Variants in PYM1 observed in about 807,000 individuals in gnomAD.
PYM1 encodes PYM1 exon junction complex associated factor, also known as partner of Y14 and mago.
PYM1 carries 7 observed loss-of-function variants against 20.7 expected under a neutral mutation model. The observed-to-expected ratio is 0.34, with a 90% CI of 0.19 to 0.64. The LOEUF (loss-of-function observed/expected upper bound fraction) is 0.64. Ranked by LOEUF, PYM1 falls within the 30% of genes least tolerant of loss-of-function variation. The pLI, the probability that PYM1 is intolerant of heterozygous loss-of-function variation, is 0.74. For missense variants in PYM1, 194 were observed against 250.0 expected (o/e 0.78, Z 1.51); for synonymous variants, 100 against 99.2 (o/e 1.01, Z -0.05).
intron 1 of PYM1, among the ~76,000 whole-genome samples, chr12:55,921,404 G>A (rs1255062856): frequency 2.0e-5 from 3 of 151,982 alleles, no homozygotes; most frequent in African/African-American, 7.3e-5. Flanking sequence ...TACTGTAGAT[G>A]GGATAAGGGT....
In PYM1 at chr12:55,901,496, A is replaced by C. The variant is rs1020290587; in HGVS notation, c.*376T>G. On this transcript the variant is annotated 3_prime_UTR_variant, in exon 3 of 3. Transcript: ENST00000408946. ...AGGGATGGAGAGGGAAATAACCCAT[A>C]AACACCGCGAACAGGAACCAAGACT... The C allele has an allele frequency of 5.5e-6, 1 of 181,966 alleles. No homozygotes were observed. Among genetic ancestry groups the C allele is most frequent in the Non-Finnish European group, 1.2e-5 (1 of 86,332 alleles). The allele number at this position is 181,966 out of a possible 1,614,324, so 11.3% of individuals were successfully genotyped here.
In PYM1 at chr12:55,901,814, C is replaced by A; in HGVS notation, c.*58G>T. On this transcript the variant is annotated 3_prime_UTR_variant, in exon 3 of 3. Transcript: ENST00000408946. ...CTGACTGCTGTTGCCCGTATTCCCC[C>A]AGACCCCAGAGAGCCCCACGGTTTG... 1.3e-6 allele frequency: 2 copies of A among 1,536,632 alleles called. No homozygotes were observed. The highest frequency in any genetic ancestry group is 1.7e-6 in the Non-Finnish European group (2 of 1,146,038).
At chr12:55,927,493 T>C in intron 1 of PYM1, 1 of 691,176 alleles carries the variant, frequency 1.4e-6, no homozygotes, top group Non-Finnish European at 2.5e-6. Flanking sequence ...AGGAAGAATA[T>C]CCAGGCTCTG....
chr12:55,905,587 A>T (rs1882781449), intron 1 of PYM1, among the ~76,000 whole-genome samples: 1 of 149,736 alleles, frequency 6.7e-6, no homozygotes, highest in South Asian at 2.1e-4. Context: ...CTGTAATCCT[A>T]GCTACCCGGG....
chr12:55,927,068 G>T, intron 1 of PYM1: 1 of 1,498,300 alleles, frequency 6.7e-7, no homozygotes, highest in Non-Finnish European at 8.9e-7. Flanking sequence ...CGCGCCTCCC[G>T]CACTCACCGC....
chr12:55,908,944 A>G (rs532452972), intron 1 of PYM1, among the ~76,000 whole-genome samples: 1 of 152,286 alleles, frequency 6.6e-6, no homozygotes, highest in African/African-American at 2.4e-5. Flanking sequence ...ATCATGAGCA[A>G]AGGGGCTCAA....
At chr12:55,926,735 A>ATT (rs1390883446) in intron 1 of PYM1, among the ~76,000 whole-genome samples, 1 of 152,058 alleles carries the variant, frequency 6.6e-6, no homozygotes, top group African/African-American at 2.4e-5. Flanking sequence ...GAGGGCAGGA[A>ATT]CTGGAGGGAA....
At chr12:55,927,391 AT>A (rs1565719898) in intron 1 of PYM1, 1 of 715,606 alleles carries the variant, frequency 1.4e-6, no homozygotes, top group East Asian at 2.7e-5. Flanking sequence ...AGTCCCTCTC[AT>A]CCCCAGGAAC....
chr12:55,912,955 A>C (rs1363268854), intron 1 of PYM1, among the ~76,000 whole-genome samples: 1 of 151,694 alleles, frequency 6.6e-6, no homozygotes, highest in Admixed American at 6.6e-5. Context: ...CAAGAGCAAA[A>C]CTCCGTCTCA....
intron 1 of PYM1, among the ~76,000 whole-genome samples, chr12:55,909,922 A>T (rs1882890459): frequency 6.6e-6 from 1 of 152,188 alleles, no homozygotes; most frequent in Non-Finnish European, 1.5e-5. Flanking sequence ...GCGAAAGGTC[A>T]GGCACAGTGG....
chr12:55,918,129 G>A (rs574480657), intron 1 of PYM1, among the ~76,000 whole-genome samples: 39 of 145,760 alleles, frequency 2.7e-4, no homozygotes, highest in African/African-American at 8.4e-4. Context: ...ACGGAGTCTC[G>A]CTCTGTCGCC....
Position 55,903,371 on chromosome 12 carries a change from A to C in PYM1, c.131+16T>G. ...GACCCCATCAGAAAACCCCTACGCA[A>C]AGCCTAACCACGTACACTGGGACCT... On this transcript the variant is annotated intron_variant, in intron 2 of 2. Coordinates refer to ENST00000408946, the MANE Select transcript of PYM1 (RefSeq NM_032345.3). 1 of 1,612,868 alleles carries C rather than the reference A, an allele frequency of 6.2e-7. No individual in the cohort carries two copies. The highest frequency in any genetic ancestry group is 8.5e-7 in the Non-Finnish European group (1 of 1,179,132).
At chr12:55,910,467 C>T (rs1243263416) in intron 1 of PYM1, among the ~76,000 whole-genome samples, 2 of 151,476 alleles carry the variant, frequency 1.3e-5, no homozygotes, top group Admixed American at 6.6e-5. Flanking sequence ...TTTTTTGACA[C>T]AGTCTAACCC....
intron 1 of PYM1, among the ~76,000 whole-genome samples, chr12:55,908,298 G>A (rs987728496): frequency 6.6e-6 from 1 of 151,768 alleles, no homozygotes; most frequent in Non-Finnish European, 1.5e-5. Flanking sequence ...GGGCATGGTG[G>A]CACGTTTGTA....
intron 1 of PYM1, among the ~76,000 whole-genome samples, chr12:55,909,970 T>C (rs959003356): frequency 6.6e-6 from 1 of 152,014 alleles, no homozygotes; most frequent in Non-Finnish European, 1.5e-5. Flanking sequence ...GAGGCCAAGA[T>C]GGGAGGATCC....
At chr12:55,908,393 C>T (rs1211811873) in intron 1 of PYM1, among the ~76,000 whole-genome samples, 1 of 149,628 alleles carries the variant, frequency 6.7e-6, no homozygotes, top group Admixed American at 6.7e-5. Context: ...CGTGCTACTG[C>T]ACTCCAGCTT....
rs901276650 is a variant in PYM1, at chr12:55,914,408, T to C, written c.38-10928A>G. The C allele has an allele frequency of 2.3e-5, 16 of 701,892 alleles. No individual in the cohort carries two copies. The African/African-American group carries it at 2.8e-4, about 12-fold the overall frequency. 43.5% of individuals were successfully genotyped at this position (701,892 alleles called of 1,614,324 possible). ...AGGGCAAAATATCAGGACTTTCAGA[T>C]AATATCTTGCAGAGAGTCAAAAACT... is the stretch of plus-strand genomic sequence containing the variant. On this transcript the variant is annotated intron_variant, in intron 1 of 2. Coordinates refer to ENST00000408946, the MANE Select transcript of PYM1 (RefSeq NM_032345.3).
chr12:55,917,838 T>C (rs1883033795), intron 1 of PYM1, among the ~76,000 whole-genome samples: 1 of 152,052 alleles, frequency 6.6e-6, no homozygotes, highest in African/African-American at 2.4e-5. Context: ...TGCATGCCTG[T>C]AATCCCAGCT....
chr12:55,927,055 C>A (rs1186493180), intron 1 of PYM1: 8 of 1,491,084 alleles, frequency 5.4e-6, no homozygotes, highest in South Asian at 1.4e-5. Context: ...AGAGAAGCGG[C>A]TCCGCGCCTC....
Sources: allele counts gnomAD v4.1 joint callset (sites outside exome capture counted in the v4.1 genomes callset), GRCh38; gene constraint gnomAD v4.1.1; transcripts MANE v1.5; gene names NCBI Gene and HGNC (gene_info 2026-07-23, HGNC 2026-07-21).